PKNOX2: variants seen among roughly 807,000 people sequenced by gnomAD.
The protein encoded by PKNOX2 is homeobox protein PKNOX2.
PKNOX2 carries 14 observed loss-of-function variants against 53.1 expected under a neutral mutation model. The ratio of observed to expected loss-of-function variants is 0.26; its 90% CI spans 0.17 to 0.41. The LOEUF (loss-of-function observed/expected upper bound fraction) is 0.41, where lower values mean the gene tolerates loss of function less well. Ranked by LOEUF, PKNOX2 falls within the 10% of genes least tolerant of loss-of-function variation. PKNOX2 has a pLI of 1.00. For synonymous variants in PKNOX2, 257 were observed against 242.8 expected (o/e 1.06, Z -0.54); for missense variants, 496 against 602.8 (o/e 0.82, Z 1.85).
At position 125,393,690 on chromosome 11, in the gene PKNOX2, C is replaced by A. The variant is rs1954218633; in HGVS notation, c.400-4184C>A. On this transcript the variant is annotated intron_variant, in intron 6 of 12. Coordinates refer to ENST00000298282, the MANE Select transcript of PKNOX2 (RefSeq NM_001382323.2). The stretch of plus-strand genomic sequence containing the variant: ...ACCTGTGTTGGTGAGGTGTTTGGAC[C>A]CCGGGGGGCTGTGCCAGGAGTGAGA... 3.9e-5 allele frequency among the ~76,000 whole-genome samples: 6 copies of A among 151,980 alleles called. No homozygotes were observed. In the South Asian group the frequency reaches 1.2e-3, roughly 32 times the overall value.
intron 1 of PKNOX2, among the ~76,000 whole-genome samples, chr11:125,233,378 C>T (rs73617589): frequency 0.039 from 5,880 of 152,218 alleles, 274 homozygotes; most frequent in African/African-American, 0.11. Context: ...AGTAGTAATA[C>T]GTAAGTAGTT....
intron 2 of PKNOX2, among the ~76,000 whole-genome samples, chr11:125,272,302 C>T (rs552069685): frequency 6.6e-6 from 1 of 152,306 alleles, no homozygotes; most frequent in Admixed American, 6.5e-5. Flanking sequence ...GAATGTCTGG[C>T]TCTCGATGAA....
chr11:125,393,329 G>A (rs1954192797), intron 6 of PKNOX2, among the ~76,000 whole-genome samples: 1 of 152,162 alleles, frequency 6.6e-6, no homozygotes, highest in Admixed American at 6.5e-5. Flanking sequence ...GATGTTCTTG[G>A]TGCCTACAGA....
intron 1 of PKNOX2, among the ~76,000 whole-genome samples, chr11:125,222,664 G>GTGTGTGCGTATGTGTGTGCTGTGTA (rs1565472890): frequency 8.8e-6 from 1 of 113,884 alleles, no homozygotes; most frequent in Admixed American, 9.4e-5. Flanking sequence ...TGCTGTGTAT[G>GTGTGTGCGTATGTGTGTGCTGTGTA]TGTGTGTGTA....
chr11:125,189,325 C>T (rs991723019), intron 1 of PKNOX2, among the ~76,000 whole-genome samples: 2 of 137,916 alleles, frequency 1.5e-5, no homozygotes, highest in African/African-American at 5.3e-5. Flanking sequence ...GGAACAAGCC[C>T]ACCAAGAGAT....
chr11:125,227,282 G>A (rs1056859260), intron 1 of PKNOX2, among the ~76,000 whole-genome samples: 10 of 152,110 alleles, frequency 6.6e-5, no homozygotes, highest in African/African-American at 1.9e-4. Context: ...AAGTATATTC[G>A]CATTGTTGTG....
At chr11:125,410,660 C>A in intron 8 of PKNOX2, 119 bp from the exon 9 acceptor site, 1 of 774,084 alleles carries the variant, frequency 1.3e-6, no homozygotes, top group Non-Finnish European at 2.2e-6. Flanking sequence ...TAGCTCGCTA[C>A]CCAAGGGCTC....
chr11:125,401,148 A>C (rs1448345496), intron 7 of PKNOX2, among the ~76,000 whole-genome samples: 8 of 152,198 alleles, frequency 5.3e-5, no homozygotes, highest in Non-Finnish European at 7.4e-5. Flanking sequence ...AAGGGAAAGA[A>C]AGCCAAATAT....
intron 1 of PKNOX2, among the ~76,000 whole-genome samples, chr11:125,194,616 A>C (rs764989662): frequency 6.6e-6 from 1 of 152,138 alleles, no homozygotes; most frequent in African/African-American, 2.4e-5. Flanking sequence ...TGAGCCCCTC[A>C]CTGCAGAGGA....
Position 125,431,465 on chromosome 11 carries a change from AAGGGG to A in PKNOX2, c.*75_*79del. ...CCGGGAGGCCTTCAGGGTGGGGGGG[AAGGGG>A]ACATGGGCAGGAAGCACCGAGGGAG... On this transcript the variant is annotated 3_prime_UTR_variant, in exon 13 of 13. Transcript: ENST00000298282. 1 of 246,144 alleles carries A rather than the reference AAGGGG, an allele frequency of 4.1e-6. No homozygotes were observed. The highest frequency in any genetic ancestry group is 8.1e-6 in the Non-Finnish European group (1 of 123,010). The allele number at this position is 246,144 out of a possible 1,614,324, so 15.2% of individuals were successfully genotyped here.
chr11:125,201,185 A>G (rs1373739307), intron 1 of PKNOX2, among the ~76,000 whole-genome samples: 3 of 152,026 alleles, frequency 2.0e-5, no homozygotes, highest in Non-Finnish European at 4.4e-5. Flanking sequence ...CTGCTTGGTT[A>G]TGGCCATTCT....
rs12226116 is a variant in PKNOX2, at chr11:125,178,637, A to G, written c.-201+13861A>G. Among the ~76,000 whole-genome samples the G allele has an allele frequency of 3.4e-3, 241 of 70,728 alleles. 1 individual carries two copies. The highest frequency in any genetic ancestry group is 0.013 in the African/African-American group (137 of 10,644). The allele number at this position is 70,728 out of a possible 152,430, so 46.4% of individuals were successfully genotyped here. ...AAGAAAGAAAGAAAGAAAGAAAGAA[A>G]GAAAGAAAGAAGGAAGGAAGGAAGG... On this transcript the variant is annotated intron_variant, in intron 1 of 12. Coordinates refer to ENST00000298282, the MANE Select transcript of PKNOX2 (RefSeq NM_001382323.2).
At chr11:125,187,014 G>A (rs969494492) in intron 1 of PKNOX2, among the ~76,000 whole-genome samples, 2 of 152,152 alleles carry the variant, frequency 1.3e-5, no homozygotes, top group African/African-American at 4.8e-5. Flanking sequence ...GAAGATCAAC[G>A]TGGCCATAGC....
intron 2 of PKNOX2, among the ~76,000 whole-genome samples, chr11:125,289,448 C>T (rs576454351): frequency 7.9e-5 from 12 of 152,336 alleles, no homozygotes; most frequent in Admixed American, 1.3e-4. Context: ...ATTCAGTAAA[C>T]GCTTTGAATG....
chr11:125,395,655 T>A (rs1234257159), intron 6 of PKNOX2, among the ~76,000 whole-genome samples: 1 of 152,236 alleles, frequency 6.6e-6, no homozygotes, highest in Non-Finnish European at 1.5e-5. Flanking sequence ...GTGGTTTTAA[T>A]TTGCATTTCC....
chr11:125,429,213 G>A lies in PKNOX2; in HGVS notation c.1013+125G>A, dbSNP rs903410483. 4.2e-5 allele frequency: 38 copies of A among 904,712 alleles called. No individual in the cohort carries two copies. In the South Asian group the frequency reaches 5.7e-4, roughly 14 times the overall value. The allele number at this position is 904,712 out of a possible 1,614,324, so 56.0% of individuals were successfully genotyped here. ...GCCTCAATCTCAGCCCAGCTACCAT[G>A]CCAGTCCCCCCATTTAGGCTAGAAG... On this transcript the variant is annotated intron_variant, in intron 11 of 12. Transcript: ENST00000298282.
chr11:125,429,899 C>T, intron 11 of PKNOX2, 64 bp from the exon 12 acceptor site: 1 of 1,516,048 alleles, frequency 6.6e-7, no homozygotes, highest in Admixed American at 2.0e-5. Flanking sequence ...CTTCACCCTC[C>T]CTGCCCCCAC....
intron 7 of PKNOX2, among the ~76,000 whole-genome samples, chr11:125,404,542 G>A (rs2135499373): frequency 6.6e-6 from 1 of 152,218 alleles, no homozygotes; most frequent in South Asian, 2.1e-4. Flanking sequence ...GATGCTGCCG[G>A]GAAGGGGTGT....
At chr11:125,393,576 G>T (rs1398123214) in intron 6 of PKNOX2, among the ~76,000 whole-genome samples, 1 of 152,104 alleles carries the variant, frequency 6.6e-6, no homozygotes, top group Non-Finnish European at 1.5e-5. Context: ...CGTGAATTGA[G>T]GGCAGAAGTC....
Sources: gnomAD v4.1 joint callset for allele counts (sites outside exome capture counted in the v4.1 genomes callset) on GRCh38, gnomAD v4.1.1 for gene constraint, MANE v1.5 for transcripts, NCBI Gene and HGNC (gene_info 2026-07-23, HGNC 2026-07-21) for gene names.